Variants in TBC1D1 observed in about 807,000 individuals in gnomAD.
TBC1D1 encodes TBC1 (tre-2/USP6, BUB2, cdc16) domain family, member 1.
TBC1D1 carries 89 observed loss-of-function variants against 125.6 expected under a neutral mutation model. The observed-to-expected ratio is 0.71, with a 90% CI of 0.60 to 0.85. TBC1D1 has a LOEUF of 0.85. TBC1D1 is among the 40% of genes least tolerant of loss of function. The pLI is 0.00. For missense variants in TBC1D1, 1,377 were observed against 1,469.2 expected (o/e 0.94, Z 1.03); for synonymous variants, 565 against 564.1 (o/e 1.00, Z -0.02).
At chr4:38,050,662 A>C (rs1263260363) in intron 11 of TBC1D1, among the ~76,000 whole-genome samples, 1 of 152,250 alleles carries the variant, frequency 6.6e-6, no homozygotes, top group African/African-American at 2.4e-5. Flanking sequence ...ATATGAATCA[A>C]GGTCACACCT....
intron 10 of TBC1D1, among the ~76,000 whole-genome samples, chr4:38,047,478 CAT>C (rs1193719154): frequency 2.6e-5 from 4 of 152,312 alleles, no homozygotes; most frequent in Non-Finnish European, 5.9e-5. Context: ...TCCAGGGGAA[CAT>C]AGTGTCGTCC....
At chr4:38,052,090 T>C in intron 11 of TBC1D1, 30 bp downstream of exon 12, 1 of 1,549,714 alleles carries the variant, frequency 6.5e-7, no homozygotes, top group Non-Finnish European at 8.7e-7. Context: ...AAGTTTGGTG[T>C]TGTCTGTTTT....
intron 16 of TBC1D1, 24 bp from the exon 19 acceptor site, chr4:38,118,009 G>T: frequency 3.1e-6 from 5 of 1,612,816 alleles, no homozygotes; most frequent in Non-Finnish European, 3.4e-6. Context: ...CTAATTCTCA[G>T]CCCTTGTGGC....
rs530239355 is a variant in TBC1D1 at position 37,975,233 on chromosome 4, C to T, written c.418-39276C>T. 1.4e-4 allele frequency among the ~76,000 whole-genome samples: 21 copies of T among 152,198 alleles called. No individual in the cohort carries two copies. In the Middle Eastern group the frequency reaches 0.017, roughly 123 times the overall value. On this transcript the variant is annotated intron_variant, in intron 2 of 19. Coordinates refer to ENST00000261439, the MANE Select transcript of TBC1D1 (RefSeq NM_015173.4). ...AGGGGGCCCTTCCCTGCCTGGCAGC[C>T]GAGGCAGAGAGAGAGAGAAGAGAAA...
intron 12 of TBC1D1, among the ~76,000 whole-genome samples, chr4:38,062,168 C>A (rs1468694633): frequency 6.6e-6 from 1 of 152,080 alleles, no homozygotes; most frequent in Non-Finnish European, 1.5e-5. Context: ...TCAATTCGGA[C>A]CTCAGAGGGT....
In TBC1D1 at chr4:38,137,362, C is replaced by T. The variant is rs766719019; in HGVS notation, c.*27C>T. On this transcript the variant is annotated 3_prime_UTR_variant, in exon 20 of 20. Transcript: ENST00000261439. Reference sequence around the variant, plus strand: ...AGCTCTGCAGGAGAGATTGCAACACCATCCCACACTGTCCAGGCCTTAACT... The same window carrying T: ...AGCTCTGCAGGAGAGATTGCAACACTATCCCACACTGTCCAGGCCTTAACT... 33 of 1,601,470 alleles carry T rather than the reference C, an allele frequency of 2.1e-5. No individual in the cohort carries two copies. The highest frequency in any genetic ancestry group is 2.8e-5 in the Non-Finnish European group (33 of 1,176,488).
intron 2 of TBC1D1, chr4:37,960,510 C>T: frequency 6.2e-7 from 1 of 1,614,128 alleles, no homozygotes; most frequent in Non-Finnish European, 8.5e-7. Context: ...TGTGCTGAAG[C>T]TGGAGTCTAG....
intron 14 of TBC1D1, among the ~76,000 whole-genome samples, chr4:38,102,173 A>G (rs1359145670): frequency 2.0e-5 from 3 of 151,920 alleles, no homozygotes; most frequent in Non-Finnish European, 4.4e-5. Flanking sequence ...CAGCACACCA[A>G]CATGGCACAC....
chr4:38,101,720 C>T (rs911052319), intron 14 of TBC1D1, among the ~76,000 whole-genome samples: 1 of 152,166 alleles, frequency 6.6e-6, no homozygotes, highest in Non-Finnish European at 1.5e-5. Context: ...GCTTACTCCA[C>T]CTCAGCTCAG....
At chr4:38,018,159 C>T (rs1256072473) in intron 3 of TBC1D1, among the ~76,000 whole-genome samples, 195 bp from the exon 4 acceptor site, 1 of 152,152 alleles carries the variant, frequency 6.6e-6, no homozygotes, top group Non-Finnish European at 1.5e-5. Flanking sequence ...AGGAAGATGG[C>T]TGTCTTATCT....
intron 2 of TBC1D1, among the ~76,000 whole-genome samples, chr4:37,931,941 A>T (rs1398172346): frequency 2.0e-5 from 3 of 152,236 alleles, no homozygotes; most frequent in Non-Finnish European, 4.4e-5. Context: ...TTTCAAATTA[A>T]TGAATTAGAT....
chr4:38,045,459 G>T (rs1180569135), intron 9 of TBC1D1, among the ~76,000 whole-genome samples: 1 of 152,210 alleles, frequency 6.6e-6, no homozygotes, highest in Non-Finnish European at 1.5e-5. Context: ...ATAGAGTGCT[G>T]TCCGAGTGAC....
intron 2 of TBC1D1, among the ~76,000 whole-genome samples, chr4:37,924,702 T>G (rs1374724193): frequency 6.6e-6 from 1 of 152,238 alleles, no homozygotes; most frequent in Non-Finnish European, 1.5e-5. Context: ...AGTATCAGAA[T>G]TGTATTCCTT....
chr4:38,046,905 T>A (rs1330812981), intron 10 of TBC1D1, among the ~76,000 whole-genome samples: 1 of 151,916 alleles, frequency 6.6e-6, no homozygotes, highest in African/African-American at 2.4e-5. Flanking sequence ...AGGGAGGGAG[T>A]GTTTGTGGAG....
chr4:37,946,336 T>C (rs1726690866), intron 2 of TBC1D1, among the ~76,000 whole-genome samples: 3 of 152,222 alleles, frequency 2.0e-5, no homozygotes, highest in South Asian at 2.1e-4. Flanking sequence ...GGACTTTGCA[T>C]GCTCCCAACA....
chr4:38,115,660 C>T (rs73134647), intron 15 of TBC1D1, 50 bp from the exon 18 acceptor site: 23,547 of 1,564,484 alleles, frequency 0.015, 541 homozygotes, highest in African/African-American at 0.1. Context: ...GTTCAATAGG[C>T]TTTCTTTTTT....
chr4:37,899,859 G>A (rs1030548038), intron 1 of TBC1D1, among the ~76,000 whole-genome samples: 1 of 151,854 alleles, frequency 6.6e-6, no homozygotes, highest in Admixed American at 6.6e-5. Flanking sequence ...GGTGGCTCAA[G>A]CCTGTAATCC....
At chr4:38,110,734 G>A in intron 15 of TBC1D1, 2 of 985,424 alleles carry the variant, frequency 2.0e-6, no homozygotes, top group Non-Finnish European at 2.4e-6. Context: ...TCTGCTTTGT[G>A]GTAAGTTGTA....
intron 8 of TBC1D1, among the ~76,000 whole-genome samples, chr4:38,036,995 T>TC (rs1187296425): frequency 2.0e-5 from 3 of 152,172 alleles, no homozygotes; most frequent in Admixed American, 6.6e-5. Context: ...ACTCCCTTTT[T>TC]CCCCTCTTGT....
Sources: allele counts gnomAD v4.1 joint callset (sites outside exome capture counted in the v4.1 genomes callset), GRCh38; gene constraint gnomAD v4.1.1; transcripts MANE v1.5; gene names NCBI Gene and HGNC (gene_info 2026-07-23, HGNC 2026-07-21).